The following GPM6B variants were observed in gnomAD, a reference collection of about 807,000 sequenced individuals.
GPM6B encodes the protein neuronal membrane glycoprotein M6-b.
In GPM6B, 4 loss-of-function variants were observed where a neutral mutation model predicts 27.2. The ratio of observed to expected loss-of-function variants is 0.15; its 90% CI spans 0.07 to 0.34. GPM6B has a LOEUF of 0.34. Among genes scored for constraint, GPM6B ranks in the 10% least tolerant of loss-of-function variants. The pLI is 1.00. For missense variants in GPM6B, 183 were observed against 261.9 expected, an observed-to-expected ratio of 0.70 and a Z score of 2.08; for synonymous variants, 124 against 103.1, an observed-to-expected ratio of 1.20 and a Z score of -1.23.
intron 7 of GPM6B, chrX:13,774,287 T>A: frequency 3.3e-6 from 3 of 902,428 alleles, no homozygotes; most frequent in Non-Finnish European, 4.1e-6. Flanking sequence ...TATGAGAACA[T>A]TATTTTAAAA....
chrX:13,874,868 C>G (rs769950185), intron 1 of GPM6B, among the ~76,000 whole-genome samples: 2 of 111,555 alleles, frequency 1.8e-5, no homozygotes, highest in African/African-American at 3.3e-5. Flanking sequence ...AGGTCAAACT[C>G]AAGAAGGTTG....
chrX:13,872,847 C>G (rs1319385916), intron 1 of GPM6B, among the ~76,000 whole-genome samples: 1 of 110,728 alleles, frequency 9.0e-6, no homozygotes, highest in Non-Finnish European at 1.9e-5. Context: ...AGGTGTGGGG[C>G]AGGACCAGGA....
At chrX:13,847,320 T>C (rs750193579) in intron 1 of GPM6B, among the ~76,000 whole-genome samples, 4 of 112,041 alleles carry the variant, frequency 3.6e-5, no homozygotes, top group Non-Finnish European at 7.5e-5. Context: ...AATTTCAAGA[T>C]TTACCAATGA....
At chrX:13,804,325 G>A (rs1001656987) in intron 2 of GPM6B, among the ~76,000 whole-genome samples, 10 of 106,572 alleles carry the variant, frequency 9.4e-5, no homozygotes, top group Non-Finnish European at 1.9e-4. Context: ...CCACTGACTG[G>A]AGACTTAGCA....
chrX:13,922,898 G>A (rs1921002166), intron 1 of GPM6B, among the ~76,000 whole-genome samples: 1 of 112,082 alleles, frequency 8.9e-6, no homozygotes, highest in Non-Finnish European at 1.9e-5. Flanking sequence ...GTACCTGGCC[G>A]GGTGCGGTGG....
chrX:13,871,141 C>A (rs1401092696), intron 1 of GPM6B, among the ~76,000 whole-genome samples: 2 of 111,556 alleles, frequency 1.8e-5, no homozygotes, highest in African/African-American at 3.3e-5. Context: ...AGAGCTGTTT[C>A]ATTCTCTGCC....
Position 13,785,642 on chromosome X carries a change from G to A in GPM6B, c.348C>T (p.Asp116=), listed in dbSNP as rs1435298717. 1.2e-5 allele frequency: 14 copies of A among 1,211,405 alleles called. No homozygotes were observed. Among genetic ancestry groups the A allele is most frequent in the Non-Finnish European group, 1.5e-5 (13 of 895,185 alleles). Residue 116 remains aspartate (D), a synonymous_variant, in exon 3 of 8, where the codon GAC becomes GAT. Coordinates refer to ENST00000316715, the MANE Select transcript of GPM6B (RefSeq NM_001001995.3). ...CTTACACCTCGCTCAGCAAGGCATG[G>A]TCACTGGCGTTGGTGGAGAAGTGTT... is the stretch of plus-strand genomic sequence containing the variant. ...LEQHFSTNAS[D]HALLSEVIQL...
chrX:13,817,841 C>G (rs775708267), upstream of GPM6B, among the ~76,000 whole-genome samples: 3 of 112,107 alleles, frequency 2.7e-5, no homozygotes, highest in African/African-American at 6.5e-5. Flanking sequence ...AAAAGGCACC[C>G]TTCCTTATTT....
chrX:13,924,021 G>A lies in GPM6B; in HGVS notation c.-198+14306C>T, dbSNP rs749249199. ...TGTGGGTCTTCCACCTGTTTTATCC[G>A]TAACGTTTTCCACATGGGATCATGA... On this transcript the variant is annotated intron_variant, in intron 1 of 6. Coordinates refer to the GPM6B transcript ENST00000398361. 5.5e-3 allele frequency among the ~76,000 whole-genome samples: 613 copies of A among 112,054 alleles called. 2 individuals carry two copies. The highest frequency in any genetic ancestry group is 8.1e-3 in the Non-Finnish European group (433 of 53,218).
chrX:13,910,531 C>T (rs1301368066), intron 1 of GPM6B, among the ~76,000 whole-genome samples: 2 of 113,263 alleles, frequency 1.8e-5, no homozygotes, highest in East Asian at 2.8e-4. Context: ...GGATGCAGGC[C>T]GCCTGTGCGG....
In GPM6B at chrX:13,783,418, C is replaced by T. The variant is rs2048554160; in HGVS notation, c.472G>A (p.Glu158Lys). Residue 158 changes from glutamate (E) to lysine (K), a missense_variant, in exon 4 of 8, where the codon GAA (glutamate) becomes AAA (lysine). Physicochemically the swap from Glu to Lys is moderately conservative, Grantham distance 56. Coordinates refer to ENST00000316715, the MANE Select transcript of GPM6B (RefSeq NM_001001995.3). ...EGFYTTSAVK[E>K]LHGEFKTTAC... is the part of the protein sequence containing the mutation. ...GTTGTTTTAAACTCACCGTGCAGTT[C>T]TTTCACTGCACTTGTGGTGTAAAAG... The T allele has an allele frequency of 1.7e-6, 2 of 1,202,611 alleles. No individual in the cohort carries two copies. The highest frequency in any genetic ancestry group is 3.5e-5 in the African/African-American group (2 of 57,113).
At chrX:13,839,492 G>C (rs2049546372) in intron 1 of GPM6B, among the ~76,000 whole-genome samples, 1 of 111,771 alleles carries the variant, frequency 8.9e-6, no homozygotes, top group African/African-American at 3.3e-5. Flanking sequence ...TATTTTTACA[G>C]AGTTTGACTC....
chrX:13,920,628 A>G (rs1920960497), intron 1 of GPM6B, among the ~76,000 whole-genome samples: 1 of 111,796 alleles, frequency 8.9e-6, no homozygotes, highest in African/African-American at 3.3e-5. Context: ...GCAGTGGCTC[A>G]CGCCTGTAAT....
At chrX:13,862,758 C>T (rs1378968293) in intron 1 of GPM6B, among the ~76,000 whole-genome samples, 1 of 111,592 alleles carries the variant, frequency 9.0e-6, no homozygotes, top group Admixed American at 9.5e-5. Flanking sequence ...ACAATCACGG[C>T]TCACTACAGC....
In GPM6B at chrX:13,810,919, A is replaced by T. The variant is rs762697909; in HGVS notation, c.62-3150T>A. Among the ~76,000 whole-genome samples the T allele has an allele frequency of 6.3e-5, 7 of 111,825 alleles. No homozygotes were observed. The East Asian group carries it at 1.9e-3, about 31-fold the overall frequency. On this transcript the variant is annotated intron_variant, in intron 1 of 7. Coordinates refer to ENST00000316715, the MANE Select transcript of GPM6B (RefSeq NM_001001995.3). ...CACTTCTATTTTATATTTTTGAGCCAAATTTAAATAAAGGCATTAAATATA... is the reference window on the plus strand; with the variant it reads ...CACTTCTATTTTATATTTTTGAGCCTAATTTAAATAAAGGCATTAAATATA...
At chrX:13,898,865 C>T (rs1273635260) in intron 1 of GPM6B, among the ~76,000 whole-genome samples, 1 of 111,453 alleles carries the variant, frequency 9.0e-6, no homozygotes, top group Non-Finnish European at 1.9e-5. Context: ...GGAATCACAG[C>T]CCAGACAAGG....
intron 1 of GPM6B, among the ~76,000 whole-genome samples, chrX:13,870,687 T>C (rs931092518): frequency 1.8e-5 from 2 of 112,421 alleles, no homozygotes; most frequent in African/African-American, 6.5e-5. Context: ...CTGGTCTCTG[T>C]ATTTGCTTTT....
At chrX:13,822,511 G>A (rs749927142) in intron 1 of GPM6B, among the ~76,000 whole-genome samples, 6 of 110,027 alleles carry the variant, frequency 5.5e-5, no homozygotes, top group Non-Finnish European at 1.1e-4. Flanking sequence ...GACTACAGGC[G>A]TGGGGCCACC....
At chrX:13,829,987 C>T (rs934980448) in intron 1 of GPM6B, among the ~76,000 whole-genome samples, 1 of 109,633 alleles carries the variant, frequency 9.1e-6, no homozygotes, top group Non-Finnish European at 1.9e-5. Flanking sequence ...GGGCCTGAAG[C>T]TTGGTTTAAT....
Sources: allele counts gnomAD v4.1 joint callset (sites outside exome capture counted in the v4.1 genomes callset), GRCh38; gene constraint gnomAD v4.1.1; transcripts MANE v1.5; gene names NCBI Gene and HGNC (gene_info 2026-07-23, HGNC 2026-07-21).